The following NEBL variants were observed in gnomAD, a reference collection of about 807,000 sequenced individuals.
NEBL encodes nebulette, also known as LIM and SH3 protein 2.
In NEBL, 122 loss-of-function variants were observed where a neutral mutation model predicts 140.2. That is an observed-to-expected ratio of 0.87 (90% CI 0.75 to 1.01). The LOEUF (loss-of-function observed/expected upper bound fraction) is 1.01, where lower values mean the gene tolerates loss of function less well. Among genes scored for constraint, NEBL ranks in the 50% least tolerant of loss-of-function variants. The pLI is 0.00. For synonymous variants in NEBL, 436 were observed against 398.9 expected, an observed-to-expected ratio of 1.09 and a Z score of -1.11; for missense variants, 1,365 against 1,231.3, an observed-to-expected ratio of 1.11 and a Z score of -1.62.
intron 26 of NEBL, among the ~76,000 whole-genome samples, chr10:20,801,069 GC>G (rs755443115): frequency 5.7e-4 from 87 of 152,256 alleles, no homozygotes; most frequent in Non-Finnish European, 9.1e-4. Flanking sequence ...TAGACACACA[GC>G]CTCAAGATGT....
chr10:21,240,283 A>G (rs1842422344), intron 3 of NEBL, among the ~76,000 whole-genome samples: 1 of 152,190 alleles, frequency 6.6e-6, no homozygotes, highest in Non-Finnish European at 1.5e-5. Flanking sequence ...TTAGTTTAGG[A>G]TCGTAGAGAT....
chr10:20,835,724 A>G (rs1840825905), intron 13 of NEBL, 101 bp from the exon 14 acceptor site: 2 of 838,076 alleles, frequency 2.4e-6, no homozygotes, highest in East Asian at 4.9e-5. Flanking sequence ...TATTTTACAA[A>G]AGAGGTAACA....
chr10:21,024,075 A>G (rs886984490), intron 2 of NEBL, among the ~76,000 whole-genome samples: 13 of 152,084 alleles, frequency 8.5e-5, no homozygotes, highest in Non-Finnish European at 1.8e-4. Flanking sequence ...GGGGAAAAAA[A>G]AAAAAAACAT....
intron 5 of NEBL, among the ~76,000 whole-genome samples, chr10:20,870,932 G>C (rs145576533): frequency 6.6e-6 from 1 of 152,188 alleles, no homozygotes; most frequent in Non-Finnish European, 1.5e-5. Context: ...CATAATGTCC[G>C]ATGGCCCATG....
chr10:20,812,693 A>G, intron 24 of NEBL, 76 bp downstream of exon 24: 1 of 1,559,634 alleles, frequency 6.4e-7, no homozygotes. Flanking sequence ...AGATGACTCA[A>G]GAGGGTAATT....
At chr10:20,967,309 C>T (rs753755953) in intron 3 of NEBL, among the ~76,000 whole-genome samples, 7 of 152,040 alleles carry the variant, frequency 4.6e-5, no homozygotes, top group Admixed American at 2.0e-4. Context: ...AGAAACATTA[C>T]GCTGAGGGGA....
chr10:20,915,911 G>A (rs1848536063), intron 4 of NEBL, among the ~76,000 whole-genome samples: 2 of 152,120 alleles, frequency 1.3e-5, no homozygotes, highest in South Asian at 4.1e-4. Flanking sequence ...TTATATCCAG[G>A]TATTCAACGA....
At chr10:20,803,464 C>A (rs1357238109) in intron 26 of NEBL, among the ~76,000 whole-genome samples, 1 of 152,060 alleles carries the variant, frequency 6.6e-6, no homozygotes, top group South Asian at 2.1e-4. Flanking sequence ...AGAAGATGAT[C>A]TTGAACCAAA....
chr10:21,116,556 A>C (rs1455024800), intron 2 of NEBL, among the ~76,000 whole-genome samples: 1 of 152,154 alleles, frequency 6.6e-6, no homozygotes, highest in Non-Finnish European at 1.5e-5. Flanking sequence ...AGTCCATAGC[A>C]GTCCTTGTCT....
At chr10:20,866,755 G>T (rs566218164) in intron 7 of NEBL, among the ~76,000 whole-genome samples, 33 of 152,172 alleles carry the variant, frequency 2.2e-4, no homozygotes, top group African/African-American at 7.0e-4. Context: ...GGGTGTAAAT[G>T]GGTGTAAAAG....
chr10:20,970,672 T>C (rs777821833), intron 3 of NEBL, among the ~76,000 whole-genome samples: 3 of 151,672 alleles, frequency 2.0e-5, no homozygotes, highest in Non-Finnish European at 4.4e-5. Flanking sequence ...TAATAGAATA[T>C]AAATAAATAA....
intron 2 of NEBL, among the ~76,000 whole-genome samples, chr10:21,078,310 A>G (rs1430769289): frequency 2.0e-5 from 3 of 152,252 alleles, no homozygotes; most frequent in Non-Finnish European, 2.9e-5. Flanking sequence ...AACAGCCAGT[A>G]GAATGTATTC....
At chr10:21,228,506 C>T (rs1287928974) in intron 3 of NEBL, among the ~76,000 whole-genome samples, 1 of 152,080 alleles carries the variant, frequency 6.6e-6, no homozygotes, top group Non-Finnish European at 1.5e-5. Context: ...GACAATTAGA[C>T]CATCTTGCTC....
At chr10:20,934,954 T>A (rs371169080) in intron 4 of NEBL, among the ~76,000 whole-genome samples, 1 of 152,286 alleles carries the variant, frequency 6.6e-6, no homozygotes, top group East Asian at 1.9e-4. Flanking sequence ...TGGAAATGAA[T>A]CTGGAAATAA....
chr10:21,233,660 A>AT (rs1182765855), intron 3 of NEBL, among the ~76,000 whole-genome samples: 1 of 144,940 alleles, frequency 6.9e-6, no homozygotes, highest in East Asian at 2.0e-4. Flanking sequence ...ATACATATAT[A>AT]GATATATATC....
intron 4 of NEBL, among the ~76,000 whole-genome samples, chr10:20,960,888 G>A (rs962876187): frequency 6.6e-6 from 1 of 152,076 alleles, no homozygotes; most frequent in African/African-American, 2.4e-5. Context: ...CAGTTCTCGT[G>A]AAAAATGGTA....
upstream of NEBL, among the ~76,000 whole-genome samples, chr10:20,900,470 G>C (rs983675355): frequency 1.3e-5 from 2 of 152,062 alleles, no homozygotes; most frequent in African/African-American, 4.8e-5. Context: ...ACAAGGTCAG[G>C]AGTTCGAGAC....
At chr10:21,193,176 G>A (rs540428811) in intron 3 of NEBL, among the ~76,000 whole-genome samples, 1 of 152,274 alleles carries the variant, frequency 6.6e-6, no homozygotes, top group South Asian at 2.1e-4. Context: ...TGACAGGGAG[G>A]AAGAATGGGA....
intron 3 of NEBL, among the ~76,000 whole-genome samples, chr10:21,005,835 CTT>C (rs545656082): frequency 1.7e-4 from 25 of 143,666 alleles, no homozygotes; most frequent in African/African-American, 5.3e-4. Context: ...CATACTAACA[CTT>C]TTTTTTTTTT....
Sources: gnomAD v4.1 joint callset for allele counts (sites outside exome capture counted in the v4.1 genomes callset) on GRCh38, gnomAD v4.1.1 for gene constraint, MANE v1.5 for transcripts, NCBI Gene and HGNC (gene_info 2026-07-23, HGNC 2026-07-21) for gene names.